Variants in SPICE1 observed in about 807,000 individuals in gnomAD.
SPICE1 encodes the protein spindle and centriole associated protein 1.
A neutral mutation model predicts 102.7 loss-of-function variants in SPICE1; 75 were observed. The observed-to-expected ratio is 0.73, with a 90% confidence interval of 0.61 to 0.88. The LOEUF is 0.88. SPICE1 is among the 40% of genes least tolerant of loss of function. SPICE1 has a pLI of 0.00. For missense variants in SPICE1, 979 were observed against 1,020.1 expected, an observed-to-expected ratio of 0.96 and a Z score of 0.55; for synonymous variants, 308 against 350.3, an observed-to-expected ratio of 0.88 and a Z score of 1.35.
intron 1 of SPICE1, among the ~76,000 whole-genome samples, chr3:113,510,253 C>T (rs1456693689): frequency 1.3e-5 from 2 of 152,140 alleles, no homozygotes; most frequent in African/African-American, 4.8e-5. Flanking sequence ...AACATCTTCA[C>T]AGAATTAGAA....
At chr3:113,503,308 TA>T in intron 2 of SPICE1, 81 bp from the exon 3 acceptor site, 1 of 1,356,230 alleles carries the variant, frequency 7.4e-7, no homozygotes, top group Non-Finnish European at 9.8e-7. Flanking sequence ...TTTTAATGGC[TA>T]AAATGGTTTC....
chr3:113,464,015 C>G (rs1935993269), intron 11 of SPICE1, among the ~76,000 whole-genome samples: 1 of 151,756 alleles, frequency 6.6e-6, no homozygotes. Context: ...TTGCAGTGAG[C>G]TGAGATCATG....
At chr3:113,514,172 G>A (rs1937278958) in intron 1 of SPICE1, among the ~76,000 whole-genome samples, 1 of 152,118 alleles carries the variant, frequency 6.6e-6, no homozygotes, top group Non-Finnish European at 1.5e-5. Flanking sequence ...GAGGGTGAGA[G>A]GTTAAAGGAA....
chr3:113,445,405 C>A, intron 17 of SPICE1, 45 bp from the exon 18 acceptor site: 1 of 1,490,472 alleles, frequency 6.7e-7, no homozygotes, highest in Non-Finnish European at 9.4e-7. Flanking sequence ...TAATTAGAAA[C>A]ATGAGACTAC....
intron 7 of SPICE1, among the ~76,000 whole-genome samples, chr3:113,480,836 C>G (rs891926882): frequency 2.7e-5 from 4 of 149,086 alleles, no homozygotes; most frequent in Non-Finnish European, 5.9e-5. Context: ...GTGATCACAC[C>G]ACTGCACTCT....
chr3:113,448,012 A>T lies in SPICE1; in HGVS notation c.2426+26T>A, dbSNP rs540085622. Reference sequence around the variant, plus strand: ...CAAATTCTTTTTGATTTTTTTTTTTAAATAAATATTCACACTGCAACTTAC... The same window carrying T: ...CAAATTCTTTTTGATTTTTTTTTTTTAATAAATATTCACACTGCAACTTAC... On this transcript the variant is annotated intron_variant, in intron 16 of 17. Coordinates refer to ENST00000295872, the MANE Select transcript of SPICE1 (RefSeq NM_144718.4). The T allele has an allele frequency of 1.7e-3, 2,563 of 1,502,296 alleles. 41 individuals are homozygous for T. In the African/African-American group the frequency reaches 0.03, roughly 18 times the overall value. The allele number at this position is 1,502,296 out of a possible 1,614,324, so 93.1% of individuals were successfully genotyped here.
At chr3:113,486,860 G>C (rs1559970563) in intron 7 of SPICE1, among the ~76,000 whole-genome samples, 1 of 118,820 alleles carries the variant, frequency 8.4e-6, no homozygotes, top group African/African-American at 4.2e-5. Flanking sequence ...AGAAAATAAG[G>C]AGATATATAT....
At chr3:113,513,865 C>T (rs1033803529) in intron 1 of SPICE1, among the ~76,000 whole-genome samples, 8 of 152,134 alleles carry the variant, frequency 5.3e-5, no homozygotes, top group African/African-American at 1.9e-4. Context: ...CCAGATATAA[C>T]AAGAAAGTAG....
At chr3:113,497,839 A>T (rs1248121244) in intron 4 of SPICE1, among the ~76,000 whole-genome samples, 1 of 148,886 alleles carries the variant, frequency 6.7e-6, no homozygotes, top group African/African-American at 2.5e-5. Flanking sequence ...AGTAGCTGGG[A>T]CTACAGGCAC....
intron 7 of SPICE1, among the ~76,000 whole-genome samples, chr3:113,477,553 T>C (rs1389379602): frequency 1.3e-5 from 2 of 151,376 alleles, no homozygotes; most frequent in South Asian, 4.2e-4. Context: ...CCAACAACGA[T>C]AGACTGGATT....
At chr3:113,458,160 GCTCCCTCTCCCGTCTCCCTCTCCCGT>G (rs61293415) in intron 12 of SPICE1, among the ~76,000 whole-genome samples, 93,020 of 146,214 alleles carry the variant, frequency 0.64, 32,544 homozygotes, top group Admixed American at 0.77. Flanking sequence ...AATAATTCTG[GCTCCCTCTCCCGTCTCCCTCTCCCGT>G]CTCCCTCTCC....
intron 6 of SPICE1, among the ~76,000 whole-genome samples, chr3:113,492,796 T>C (rs1399635798): frequency 1.3e-5 from 2 of 152,146 alleles, no homozygotes; most frequent in Non-Finnish European, 2.9e-5. Context: ...AGCTAGTAAG[T>C]AGATCCACCT....
At chr3:113,485,176 G>T (rs200668602) in intron 7 of SPICE1, among the ~76,000 whole-genome samples, 7,539 of 139,302 alleles carry the variant, frequency 0.054, 234 homozygotes, top group East Asian at 0.1. Flanking sequence ...AGTTTTGTTT[G>T]TTTTTTTTTT....
chr3:113,477,618 A>G (rs907633159), intron 7 of SPICE1, among the ~76,000 whole-genome samples: 26 of 152,150 alleles, frequency 1.7e-4, no homozygotes, highest in Admixed American at 3.9e-4. Flanking sequence ...AAAAAATGAT[A>G]AGTTCATGTC....
chr3:113,448,283 AAG>A, intron 15 of SPICE1, 143 bp from the exon 16 acceptor site: 1 of 675,206 alleles, frequency 1.5e-6, no homozygotes, highest in Non-Finnish European at 2.2e-6. Context: ...ATACACTTGA[AAG>A]ACTTTTTTTT....
intron 7 of SPICE1, among the ~76,000 whole-genome samples, chr3:113,479,247 T>C (rs1576636050): frequency 6.6e-6 from 1 of 150,928 alleles, no homozygotes. Context: ...GTCCTTGCGA[T>C]AGTTTACTGA....
At chr3:113,502,907 G>T (rs1015851837) in intron 3 of SPICE1, among the ~76,000 whole-genome samples, 3 of 151,876 alleles carry the variant, frequency 2.0e-5, no homozygotes, top group Non-Finnish European at 4.4e-5. Flanking sequence ...TAAAAAGGCA[G>T]ATAGATAGAT....
At chr3:113,465,180 T>C (rs1189857513) in intron 11 of SPICE1, among the ~76,000 whole-genome samples, 1 of 151,566 alleles carries the variant, frequency 6.6e-6, no homozygotes, top group African/African-American at 2.4e-5. Flanking sequence ...GAGAATGGTG[T>C]AAGTCTTTTA....
chr3:113,488,869 T>C (rs1365716788), intron 7 of SPICE1, 76 bp downstream of exon 7: 17 of 789,060 alleles, frequency 2.2e-5, no homozygotes, highest in Non-Finnish European at 3.3e-5. Flanking sequence ...TAATAAAAAA[T>C]GATGCAATAG....
Sources: allele counts gnomAD v4.1 joint callset (sites outside exome capture counted in the v4.1 genomes callset), GRCh38; gene constraint gnomAD v4.1.1; transcripts MANE v1.5; gene names NCBI Gene and HGNC (gene_info 2026-07-23, HGNC 2026-07-21).